Variants in CSMD3 observed in about 807,000 individuals in gnomAD.
The protein encoded by CSMD3 is CUB and Sushi multiple domains 3, also known as CUB and sushi domain-containing protein 3.
A neutral mutation model predicts 435.2 loss-of-function variants in CSMD3; 177 were observed. That is an observed-to-expected ratio of 0.41 (90% CI 0.36 to 0.46). The LOEUF (loss-of-function observed/expected upper bound fraction) is 0.46, where lower values mean the gene tolerates loss of function less well. CSMD3 is among the 20% of genes least tolerant of loss of function. CSMD3 has a pLI of 0.34. For synonymous variants in CSMD3, 1,656 were observed against 1,520.5 expected, an observed-to-expected ratio of 1.09 and a Z score of -2.07; for missense variants, 4,265 against 4,504.6, an observed-to-expected ratio of 0.95 and a Z score of 1.52.
At chr8:112,566,088 A>G (rs1829043922) in intron 24 of CSMD3, among the ~76,000 whole-genome samples, 1 of 151,000 alleles carries the variant, frequency 6.6e-6, no homozygotes, top group African/African-American at 2.4e-5. Flanking sequence ...AATACATTAA[A>G]TCTATAAAAC....
chr8:113,323,194 C>T (rs1465136997), intron 1 of CSMD3, among the ~76,000 whole-genome samples: 2 of 152,116 alleles, frequency 1.3e-5, no homozygotes, highest in Non-Finnish European at 2.9e-5. Context: ...CAATGTTTTT[C>T]CCATAAGAAT....
At chr8:113,151,466 T>C (rs1021364073) in intron 4 of CSMD3, among the ~76,000 whole-genome samples, 1 of 151,582 alleles carries the variant, frequency 6.6e-6, no homozygotes, top group African/African-American at 2.4e-5. Context: ...TAACATAATA[T>C]GAAATATTGA....
intron 32 of CSMD3, among the ~76,000 whole-genome samples, chr8:112,449,981 C>T (rs569860538): frequency 6.6e-6 from 1 of 152,300 alleles, no homozygotes; most frequent in Non-Finnish European, 1.5e-5. Context: ...GCCTCAGACT[C>T]CCAAAGTTCT....
At chr8:112,323,664 T>TG (rs998261015) in intron 45 of CSMD3, among the ~76,000 whole-genome samples, 1 of 152,056 alleles carries the variant, frequency 6.6e-6, no homozygotes, top group Non-Finnish European at 1.5e-5. Flanking sequence ...TGTGGTACTT[T>TG]GTTTCAGCAG....
At chr8:112,275,044 C>A (rs1226132023) in intron 59 of CSMD3, among the ~76,000 whole-genome samples, 1 of 152,120 alleles carries the variant, frequency 6.6e-6, no homozygotes, top group Non-Finnish European at 1.5e-5. Flanking sequence ...TTCTACTCCA[C>A]ATCTGGGCAA....
intron 22 of CSMD3, among the ~76,000 whole-genome samples, chr8:112,596,558 T>C: frequency 6.6e-6 from 1 of 152,158 alleles, no homozygotes; most frequent in Middle Eastern, 3.4e-3. Context: ...ATCAACAGAA[T>C]ACACATTTTT....
intron 32 of CSMD3, among the ~76,000 whole-genome samples, chr8:112,472,148 T>A (rs753058931): frequency 2.6e-5 from 4 of 152,184 alleles, no homozygotes; most frequent in African/African-American, 4.8e-5. Flanking sequence ...AACCAAAAAC[T>A]CTTCTTTCTG....
chr8:112,641,055 G>A (rs2074811129), intron 20 of CSMD3, among the ~76,000 whole-genome samples: 1 of 152,046 alleles, frequency 6.6e-6, no homozygotes. Flanking sequence ...TATTTAAAAT[G>A]GGGTTCTAAT....
At chr8:113,320,001 A>G (rs10109842) in intron 1 of CSMD3, among the ~76,000 whole-genome samples, 3,229 of 152,136 alleles carry the variant, frequency 0.021, 129 homozygotes, top group African/African-American at 0.074. Flanking sequence ...AATGATATAA[A>G]GAACATTGTC....
intron 1 of CSMD3, among the ~76,000 whole-genome samples, chr8:113,324,026 G>C (rs1346325063): frequency 6.6e-6 from 1 of 152,168 alleles, no homozygotes; most frequent in African/African-American, 2.4e-5. Flanking sequence ...ACTTGAGAGA[G>C]ATGATTTAGG....
intron 17 of CSMD3, among the ~76,000 whole-genome samples, chr8:112,663,958 GGAGA>G (rs1433428530): frequency 6.6e-6 from 1 of 152,108 alleles, no homozygotes; most frequent in African/African-American, 2.4e-5. Context: ...GAAAATTGAA[GGAGA>G]GAGTAGGTTT....
At chr8:112,343,017 T>TATA (rs1563815796) in intron 41 of CSMD3, among the ~76,000 whole-genome samples, 2 of 52,560 alleles carry the variant, frequency 3.8e-5, no homozygotes, top group Non-Finnish European at 5.3e-5. Flanking sequence ...ATATATATAT[T>TATA]TATATATATA....
At chr8:112,742,437 T>A (rs140958486) in intron 13 of CSMD3, among the ~76,000 whole-genome samples, 2 of 152,104 alleles carry the variant, frequency 1.3e-5, no homozygotes, top group East Asian at 3.9e-4. Flanking sequence ...TAGAGTTCAT[T>A]CCTTACACAC....
At chr8:112,451,681 C>A (rs905049714) in intron 32 of CSMD3, among the ~76,000 whole-genome samples, 3 of 151,876 alleles carry the variant, frequency 2.0e-5, no homozygotes, top group Non-Finnish European at 4.4e-5. Flanking sequence ...TGGGATTACA[C>A]GCATGTGCCA....
intron 13 of CSMD3, among the ~76,000 whole-genome samples, chr8:112,697,706 A>G (rs182377066): frequency 2.5e-4 from 38 of 152,186 alleles, no homozygotes; most frequent in Admixed American, 2.0e-3. Context: ...CGTTGTGCAC[A>G]TGTACCCTAG....
At chr8:113,072,308 G>A (rs936749460) in intron 5 of CSMD3, among the ~76,000 whole-genome samples, 1 of 151,162 alleles carries the variant, frequency 6.6e-6, no homozygotes, top group Non-Finnish European at 1.5e-5. Context: ...TAATTGCTCT[G>A]TCAAGGACTT....
chr8:112,613,819 A>C (rs1386530394), intron 22 of CSMD3, among the ~76,000 whole-genome samples: 2 of 152,106 alleles, frequency 1.3e-5, no homozygotes, highest in Non-Finnish European at 2.9e-5. Flanking sequence ...CAATAACCAA[A>C]TATAGAAAAA....
intron 28 of CSMD3, among the ~76,000 whole-genome samples, chr8:112,508,424 T>C (rs1822756472): frequency 6.6e-6 from 1 of 152,150 alleles, no homozygotes; most frequent in Non-Finnish European, 1.5e-5. Flanking sequence ...ACTGCTTGGC[T>C]CACTGATTAA....
intron 10 of CSMD3, among the ~76,000 whole-genome samples, chr8:112,878,610 T>A (rs774357752): frequency 6.6e-6 from 1 of 152,150 alleles, no homozygotes. Flanking sequence ...TAAAGACATG[T>A]GCACATGTAT....
Sources: allele counts gnomAD v4.1 joint callset (sites outside exome capture counted in the v4.1 genomes callset), GRCh38; gene constraint gnomAD v4.1.1; transcripts MANE v1.5; gene names NCBI Gene and HGNC (gene_info 2026-07-23, HGNC 2026-07-21).